Variants in RIN2 observed in about 807,000 individuals in gnomAD.
RIN2 encodes RAB5 interacting protein 2.
A neutral mutation model predicts 78.0 loss-of-function variants in RIN2; 36 were observed. The observed-to-expected ratio is 0.46, with a 90% CI of 0.35 to 0.61. RIN2 has a LOEUF of 0.61. RIN2 is among the 20% of genes least tolerant of loss of function. The probability of loss-of-function intolerance (pLI) is 0.00; values close to 1 mark genes in which losing one functional copy is unlikely to be tolerated. For missense variants in RIN2, 1,087 were observed against 1,159.7 expected (o/e 0.94, Z 0.91); for synonymous variants, 466 against 466.8 (o/e 1.00, Z 0.02).
intron 3 of RIN2, among the ~76,000 whole-genome samples, chr20:19,930,913 C>T (rs1253023252): frequency 2.0e-5 from 3 of 152,158 alleles, no homozygotes; most frequent in Non-Finnish European, 2.9e-5. Flanking sequence ...ATACCCATCA[C>T]TCAGCACTGT....
At chr20:19,765,350 A>G (rs1246308415) in intron 1 of RIN2, among the ~76,000 whole-genome samples, 1 of 152,150 alleles carries the variant, frequency 6.6e-6, no homozygotes, top group East Asian at 1.9e-4. Context: ...CATTGATTGT[A>G]TGTGTTCAGG....
At chr20:19,880,920 T>C (rs2038009766) in intron 2 of RIN2, among the ~76,000 whole-genome samples, 1 of 152,224 alleles carries the variant, frequency 6.6e-6, no homozygotes, top group Non-Finnish European at 1.5e-5. Flanking sequence ...AGACCGAACA[T>C]ATGGCTTCCT....
chr20:19,852,909 G>A (rs190219181), intron 2 of RIN2, among the ~76,000 whole-genome samples: 1,943 of 151,208 alleles, frequency 0.013, 17 homozygotes, highest in Non-Finnish European at 0.019. Flanking sequence ...TATACTTTAA[G>A]TTCTAGGGTA....
chr20:19,856,733 G>A (rs2037182303), intron 2 of RIN2, among the ~76,000 whole-genome samples: 1 of 152,046 alleles, frequency 6.6e-6, no homozygotes, highest in African/African-American at 2.4e-5. Context: ...ACTATTGATG[G>A]AGGCTCAAAT....
intron 2 of RIN2, among the ~76,000 whole-genome samples, chr20:19,870,064 T>C (rs1423216962): frequency 6.6e-6 from 1 of 152,106 alleles, no homozygotes; most frequent in African/African-American, 2.4e-5. Context: ...ATTTCCTGTA[T>C]CAGCCTCTGA....
At chr20:19,991,111 A>G (rs550514246) in intron 10 of RIN2, among the ~76,000 whole-genome samples, 1 of 152,332 alleles carries the variant, frequency 6.6e-6, no homozygotes, top group South Asian at 2.1e-4. Context: ...TTAATGGAGA[A>G]GCAGCAGAGA....
At chr20:19,949,930 G>T (rs1025900280) in intron 4 of RIN2, among the ~76,000 whole-genome samples, 1 of 152,176 alleles carries the variant, frequency 6.6e-6, no homozygotes, top group Non-Finnish European at 1.5e-5. Context: ...CTGCCTGGTT[G>T]TCCTACTCAG....
intron 2 of RIN2, among the ~76,000 whole-genome samples, chr20:19,879,398 T>A (rs548784011): frequency 6.6e-6 from 1 of 152,356 alleles, no homozygotes; most frequent in African/African-American, 2.4e-5. Context: ...TAATACCTGT[T>A]ATCGGCACAT....
At chr20:19,815,614 T>A (rs1347148846) in intron 2 of RIN2, among the ~76,000 whole-genome samples, 1 of 152,220 alleles carries the variant, frequency 6.6e-6, no homozygotes, top group Non-Finnish European at 1.5e-5. Flanking sequence ...TGCTGATGCG[T>A]GCATGTGTGT....
intron 3 of RIN2, among the ~76,000 whole-genome samples, chr20:19,930,592 G>A (rs1485150929): frequency 1.5e-4 from 23 of 152,180 alleles, no homozygotes; most frequent in Admixed American, 1.5e-3. Context: ...CTGCTGGGGT[G>A]GGAGTCCTCT....
intron 11 of RIN2, among the ~76,000 whole-genome samples, chr20:19,992,631 AAGTC>A: frequency 6.6e-6 from 1 of 152,234 alleles, no homozygotes; most frequent in South Asian, 2.1e-4. Flanking sequence ...AAATTTGGAA[AAGTC>A]AGGAAAAACA....
intron 3 of RIN2, among the ~76,000 whole-genome samples, chr20:19,903,292 C>G (rs552955408): frequency 1.8e-4 from 27 of 152,030 alleles, no homozygotes; most frequent in African/African-American, 6.3e-4. Context: ...GAGCAGCCAG[C>G]GCTCGTGTGT....
chr20:19,768,628 A>G lies in RIN2; in HGVS notation c.-163+10301A>G, dbSNP rs73901283. Among the ~76,000 whole-genome samples, 416 of 152,366 alleles carry G rather than the reference A, an allele frequency of 2.7e-3. 1 individual carries two copies. The highest frequency in any genetic ancestry group is 9.6e-3 in the African/African-American group (399 of 41,592). On this transcript the variant is annotated intron_variant, in intron 1 of 12. Coordinates refer to ENST00000255006, the MANE Select transcript of RIN2 (RefSeq NM_018993.4). ...GGGATACCTGTTCTCATCCTCACAC[A>G]GGCAGACAGAGTGGATTGTTATGAA... is the stretch of plus-strand genomic sequence containing the variant.
chr20:19,874,663 G>A (rs1027035112), intron 2 of RIN2, among the ~76,000 whole-genome samples: 1 of 152,092 alleles, frequency 6.6e-6, no homozygotes. Flanking sequence ...GCACAGCAAT[G>A]CTTCTCTCAG....
At chr20:19,898,905 T>C (rs1490095404) in intron 3 of RIN2, among the ~76,000 whole-genome samples, 4 of 152,112 alleles carry the variant, frequency 2.6e-5, no homozygotes, top group African/African-American at 9.7e-5. Flanking sequence ...AAACTGGAAT[T>C]ACAGAAAAAA....
chr20:19,850,976 A>G lies in RIN2; in HGVS notation c.-36-38590A>G, dbSNP rs531022012. Among the ~76,000 whole-genome samples, 11 of 148,754 alleles carry G rather than the reference A, an allele frequency of 7.4e-5. No individual in the cohort carries two copies. The East Asian group carries it at 2.2e-3, about 30-fold the overall frequency. On this transcript the variant is annotated intron_variant, in intron 2 of 12. Coordinates refer to ENST00000255006, the MANE Select transcript of RIN2 (RefSeq NM_018993.4). ...GCAACAAAAGCAAGACTCTGTCAAA[A>G]AAAGAAAGGGAGAAAAGGAAGGAAG...
chr20:19,804,382 A>T (rs981369619), intron 2 of RIN2, among the ~76,000 whole-genome samples: 2 of 152,190 alleles, frequency 1.3e-5, no homozygotes, highest in African/African-American at 4.8e-5. Flanking sequence ...ATCAATACCT[A>T]GTTTATTGAG....
chr20:19,814,803 C>G (rs2035714399), intron 2 of RIN2, among the ~76,000 whole-genome samples: 1 of 151,636 alleles, frequency 6.6e-6, no homozygotes, highest in Admixed American at 6.6e-5. Context: ...GTTGCCCAGT[C>G]TGGCTTTGAA....
chr20:19,840,072 ATTC>A lies in RIN2; in HGVS notation c.-37+40332_-37+40334del, dbSNP rs369004359. The stretch of plus-strand genomic sequence containing the variant: ...TGGCAAGATTATCAATGTTTTTGAT[ATTC>A]TTCTTCCAGCTTTATTGTATTCCCT... On this transcript the variant is annotated intron_variant, in intron 2 of 12. Coordinates refer to ENST00000255006, the MANE Select transcript of RIN2 (RefSeq NM_018993.4). 9.7e-4 allele frequency among the ~76,000 whole-genome samples: 148 copies of A among 152,354 alleles called. 2 individuals carry two copies. In the East Asian group the frequency reaches 0.019, roughly 20 times the overall value.
Sources: gnomAD v4.1 joint callset for allele counts (sites outside exome capture counted in the v4.1 genomes callset) on GRCh38, gnomAD v4.1.1 for gene constraint, MANE v1.5 for transcripts, NCBI Gene and HGNC (gene_info 2026-07-23, HGNC 2026-07-21) for gene names.